Variants in ABLIM1 observed in about 807,000 individuals in gnomAD.
ABLIM1 encodes the protein actin-binding LIM protein 1.
Under a neutral mutation model 107.0 loss-of-function variants are expected in ABLIM1, and 40 were observed. The ratio of observed to expected loss-of-function variants is 0.37; its 90% CI spans 0.29 to 0.49. The LOEUF (loss-of-function observed/expected upper bound fraction) is 0.49. Among genes scored for constraint, ABLIM1 ranks in the 20% least tolerant of loss-of-function variants. The pLI is 0.97. For synonymous variants in ABLIM1, 357 were observed against 357.3 expected (o/e 1.00, Z 0.01); for missense variants, 857 against 1,008.5 (o/e 0.85, Z 2.04).
intron 1 of ABLIM1, among the ~76,000 whole-genome samples, chr10:114,712,353 G>GAAAAAAAAAAAAAAAAAAAAAA (rs10583793): frequency 2.3e-5 from 1 of 44,086 alleles, no homozygotes; most frequent in Non-Finnish European, 4.0e-5. Context: ...ACTCCGTCTC[G>GAAAAAAAAAAAAAAAAAAAAAA]AAAAAAAAAA....
intron 1 of ABLIM1, among the ~76,000 whole-genome samples, chr10:114,617,218 C>G (rs2077177465): frequency 6.6e-6 from 1 of 150,620 alleles, no homozygotes; most frequent in South Asian, 2.1e-4. Context: ...AACACTGTCT[C>G]TCTTTCTGGT....
rs572846731 is a variant in ABLIM1, at chr10:114,436,711, T to C, written c.2224-338A>G. ...GAGAAGATGCAGGGAAAATGGACTA[T>C]CGCAATAGAAAGCCAAAGAAAATGA... is the stretch of plus-strand genomic sequence containing the variant. On this transcript the variant is annotated intron_variant, in intron 22 of 22. Transcript: ENST00000533213. Among the ~76,000 whole-genome samples, 6 of 152,232 alleles carry C rather than the reference T, an allele frequency of 3.9e-5. No homozygotes were observed. The South Asian group carries it at 1.2e-3, about 32-fold the overall frequency.
chr10:114,547,346 T>C (rs186566721), intron 5 of ABLIM1: 8 of 291,486 alleles, frequency 2.7e-5, no homozygotes, highest in Admixed American at 2.0e-4. Flanking sequence ...TAGTTCCTCA[T>C]AGGAGAATGA....
chr10:114,766,800 C>T (rs143555647), intron 1 of ABLIM1, among the ~76,000 whole-genome samples: 1 of 152,320 alleles, frequency 6.6e-6, no homozygotes, highest in African/African-American at 2.4e-5. Flanking sequence ...GTTATGACTC[C>T]ATCCATATAC....
intron 1 of ABLIM1, chr10:114,684,200 A>T: frequency 1.5e-6 from 2 of 1,340,180 alleles, no homozygotes; most frequent in African/African-American, 1.5e-5. Context: ...ATTTTATCAA[A>T]TGGAAAAGCC....
intron 1 of ABLIM1, among the ~76,000 whole-genome samples, chr10:114,653,667 TTC>T (rs1168960122): frequency 1.3e-5 from 2 of 152,220 alleles, no homozygotes; most frequent in African/African-American, 4.8e-5. Flanking sequence ...CAGAGGCTGT[TTC>T]GTACGTTTAC....
intron 1 of ABLIM1, among the ~76,000 whole-genome samples, chr10:114,724,207 G>T (rs890832396): frequency 6.6e-5 from 10 of 152,142 alleles, no homozygotes; most frequent in Admixed American, 5.2e-4. Flanking sequence ...TGTAACAAGA[G>T]ACTCACAGGG....
At chr10:114,734,560 C>T (rs1383498669) in intron 1 of ABLIM1, among the ~76,000 whole-genome samples, 1 of 152,192 alleles carries the variant, frequency 6.6e-6, no homozygotes, top group Non-Finnish European at 1.5e-5. Flanking sequence ...ACCTCACCCT[C>T]TGTTTTCCAA....
At chr10:114,744,416 C>G (rs72831094) in intron 1 of ABLIM1, among the ~76,000 whole-genome samples, 2 of 152,006 alleles carry the variant, frequency 1.3e-5, no homozygotes, top group Admixed American at 1.3e-4. Flanking sequence ...AACAAAGAAA[C>G]AAGTTATCAA....
intron 17 of ABLIM1, 40 bp from the exon 18 acceptor site, chr10:114,441,826 C>T (rs2060244375): frequency 6.4e-7 from 1 of 1,555,464 alleles, no homozygotes; most frequent in Non-Finnish European, 8.9e-7. Flanking sequence ...GTTAGGAAAT[C>T]AGAAGGTCCA....
intron 1 of ABLIM1, among the ~76,000 whole-genome samples, chr10:114,683,675 T>C (rs1055881954): frequency 1.3e-5 from 2 of 152,098 alleles, no homozygotes; most frequent in African/African-American, 4.8e-5. Flanking sequence ...CACTCTCTTA[T>C]CTTAAGGGGT....
chr10:114,705,131 C>A (rs1345611853), intron 1 of ABLIM1, among the ~76,000 whole-genome samples: 10 of 151,958 alleles, frequency 6.6e-5, no homozygotes, highest in Admixed American at 6.5e-4. Context: ...CAAGCTCCAA[C>A]CCCAGGTAAA....
intron 4 of ABLIM1, among the ~76,000 whole-genome samples, chr10:114,558,414 A>G (rs1306045858): frequency 6.6e-6 from 1 of 152,180 alleles, no homozygotes; most frequent in Non-Finnish European, 1.5e-5. Flanking sequence ...TCCCAGAAGT[A>G]TCAGAATTGA....
chr10:114,692,205 G>T (rs966359381), intron 1 of ABLIM1, among the ~76,000 whole-genome samples: 1 of 152,186 alleles, frequency 6.6e-6, no homozygotes, highest in Non-Finnish European at 1.5e-5. Context: ...TAACAATTCT[G>T]CTGACAGTAA....
rs568563242 is a variant in ABLIM1, at chr10:114,563,946, A to G, written c.673+7351T>C. Among the ~76,000 whole-genome samples the G allele has an allele frequency of 3.5e-5, 5 of 143,696 alleles. No homozygotes were observed. In the South Asian group the frequency reaches 7.3e-4, roughly 21 times the overall value. The allele number at this position is 143,696 out of a possible 152,430, so 94.3% of individuals were successfully genotyped here. ...GTTGAACGAGTGAATGGCATCCTAG[A>G]TCTTTATAAACATGAGATTTTCATT... On this transcript the variant is annotated intron_variant, in intron 4 of 22. Coordinates refer to ENST00000533213, the MANE Select transcript of ABLIM1 (RefSeq NM_002313.7).
At position 114,558,981 on chromosome 10, in the gene ABLIM1, T is replaced by C. The variant is rs539687737; in HGVS notation, c.674-11205A>G. Among the ~76,000 whole-genome samples, 4 of 151,212 alleles carry C rather than the reference T, an allele frequency of 2.6e-5. No homozygotes were observed. In the East Asian group the frequency reaches 5.8e-4, roughly 22 times the overall value. ...ACTATAACTAAAAGGAGGGGCTATATGTATAGAATGAACCATCACCCTAAT... is the reference window on the plus strand; with the variant it reads ...ACTATAACTAAAAGGAGGGGCTATACGTATAGAATGAACCATCACCCTAAT... On this transcript the variant is annotated intron_variant, in intron 4 of 22. Coordinates refer to ENST00000533213, the MANE Select transcript of ABLIM1 (RefSeq NM_002313.7).
chr10:114,455,974 G>A (rs1019807451), intron 12 of ABLIM1, among the ~76,000 whole-genome samples: 3 of 152,068 alleles, frequency 2.0e-5, no homozygotes, highest in Admixed American at 6.6e-5. Context: ...CACCGCGCCC[G>A]GCTAATTTTT....
chr10:114,792,401 A>G, the ABLIM1 span, among the ~76,000 whole-genome samples: 1 of 152,250 alleles, frequency 6.6e-6, no homozygotes, highest in African/African-American at 2.4e-5. Context: ...CAGTATTCTT[A>G]TAAGCTTTAT....
chr10:114,728,898 C>T (rs2082017399), intron 1 of ABLIM1, among the ~76,000 whole-genome samples: 1 of 152,056 alleles, frequency 6.6e-6, no homozygotes, highest in Non-Finnish European at 1.5e-5. Flanking sequence ...CTGTTCTTTT[C>T]TGTATGTTCC....
Sources: allele counts gnomAD v4.1 joint callset (sites outside exome capture counted in the v4.1 genomes callset), GRCh38; gene constraint gnomAD v4.1.1; transcripts MANE v1.5; gene names NCBI Gene and HGNC (gene_info 2026-07-23, HGNC 2026-07-21).